The following SLX4IP variants were observed in gnomAD, a reference collection of about 807,000 sequenced individuals.
SLX4IP encodes the protein protein SLX4IP.
Under a neutral mutation model 32.9 loss-of-function variants are expected in SLX4IP, and 34 were observed. That is an observed-to-expected ratio of 1.03 (90% confidence interval 0.79 to 1.38). The LOEUF (loss-of-function observed/expected upper bound fraction) is 1.38. Among genes scored for constraint, SLX4IP ranks in the 40% most tolerant of loss-of-function variants. The pLI is 0.00. For missense variants in SLX4IP, 444 were observed against 479.0 expected (o/e 0.93, Z 0.68); for synonymous variants, 172 against 171.7 (o/e 1.00, Z -0.01).
rs2065170403 is a variant in SLX4IP at position 10,442,878 on chromosome 20, G to C, written c.-30+7425G>C. ...GTTCCTTGATTTAAAACTTAATTAA[G>C]ATAGAAGCTAATAATATCTTTTCCA... On this transcript the variant is annotated intron_variant, in intron 1 of 7. Transcript: ENST00000334534. Among the ~76,000 whole-genome samples, 3 of 152,168 alleles carry C rather than the reference G, an allele frequency of 2.0e-5. 1 individual carries two copies. The South Asian group carries it at 6.2e-4, about 31-fold the overall frequency.
chr20:10,461,171 G>A (rs1197056097), intron 2 of SLX4IP, among the ~76,000 whole-genome samples: 1 of 152,220 alleles, frequency 6.6e-6, no homozygotes, highest in Non-Finnish European at 1.5e-5. Flanking sequence ...GCTCAGAAAA[G>A]GGCTGGGCTT....
intron 2 of SLX4IP, among the ~76,000 whole-genome samples, chr20:10,472,129 G>T (rs1253097136): frequency 1.3e-5 from 2 of 152,006 alleles, no homozygotes; most frequent in Non-Finnish European, 1.5e-5. Context: ...ATTGTTTAGT[G>T]TAGTTTTCTT....
chr20:10,519,881 G>A (rs6032894), intron 2 of SLX4IP, among the ~76,000 whole-genome samples: 7,549 of 152,178 alleles, frequency 0.05, 262 homozygotes, highest in Admixed American at 0.11. Flanking sequence ...ACTTGCTATC[G>A]TCTGTCTTCT....
intron 2 of SLX4IP, among the ~76,000 whole-genome samples, chr20:10,528,470 C>A (rs1010933674): frequency 6.6e-6 from 1 of 152,116 alleles, no homozygotes; most frequent in Non-Finnish European, 1.5e-5. Context: ...ATAACAAAAG[C>A]AACAACTAAC....
chr20:10,623,258 A>G lies in SLX4IP; in HGVS notation c.1106A>G (p.His369Arg), dbSNP rs374213290. 9.9e-6 allele frequency: 16 copies of G among 1,614,052 alleles called. No individual in the cohort carries two copies. In the African/African-American group the frequency reaches 2.1e-4, roughly 22 times the overall value. The change falls in exon 8 of 8, where the codon CAT becomes CGT. Residue 369 changes from histidine (H) to arginine (R), a missense_variant. Transcript: ENST00000334534. ...GTTTTGGAAAGTCTCTCCTCCAGAC[A>G]TCTTATGAAAAATAACCCAGGGCAG... ...LHVLESLSSR[H>R]LMKNNPGQAQ...
At chr20:10,614,726 G>A (rs1174692325) in intron 6 of SLX4IP, among the ~76,000 whole-genome samples, 1 of 152,178 alleles carries the variant, frequency 6.6e-6, no homozygotes, top group Non-Finnish European at 1.5e-5. Context: ...TGACCCTGGG[G>A]CGTGGTGTTA....
intron 1 of SLX4IP, among the ~76,000 whole-genome samples, chr20:10,453,285 C>T (rs2065257824): frequency 6.8e-6 from 1 of 146,578 alleles, no homozygotes; most frequent in African/African-American, 2.5e-5. Context: ...TCATATTCTC[C>T]ACGAGTTGTC....
chr20:10,519,689 A>G (rs1032166708), intron 2 of SLX4IP, among the ~76,000 whole-genome samples: 1 of 152,204 alleles, frequency 6.6e-6, no homozygotes, highest in African/African-American at 2.4e-5. Context: ...TGTTTGTGTA[A>G]AAGTTTTTGT....
Position 10,613,374 on chromosome 20 carries a change from C to T in SLX4IP, c.406-7940C>T, listed in dbSNP as rs142642882. ...AATTGCTTTTTGCCTTCAAGTCTTG[C>T]CTGCACCTTGCTTACAATGGCATCA... On this transcript the variant is annotated intron_variant, in intron 6 of 7. Transcript: ENST00000334534. The T allele has an allele frequency of 3.4e-3, 4,791 of 1,391,146 alleles. 13 individuals are homozygous for T. Among genetic ancestry groups the T allele is most frequent in the Non-Finnish European group, 4.3e-3 (4,229 of 982,344 alleles). The allele number at this position is 1,391,146 out of a possible 1,614,324, so 86.2% of individuals were successfully genotyped here.
intron 3 of SLX4IP, 43 bp from the exon 4 acceptor site, chr20:10,560,657 G>T: frequency 1.5e-6 from 2 of 1,365,250 alleles, no homozygotes; most frequent in South Asian, 1.5e-5. Flanking sequence ...TAATTTTTTT[G>T]CATTAAATTT....
At chr20:10,533,580 AGTGCTGGGATTACAG>A (rs1225825040) in intron 2 of SLX4IP, among the ~76,000 whole-genome samples, 4 of 149,338 alleles carry the variant, frequency 2.7e-5, no homozygotes, top group Admixed American at 6.7e-5. Flanking sequence ...AGCCTCCCAA[AGTGCTGGGATTACAG>A]GTGTGAGCCA....
At chr20:10,447,032 G>GT (rs2065208229) in intron 1 of SLX4IP, among the ~76,000 whole-genome samples, 1 of 152,078 alleles carries the variant, frequency 6.6e-6, no homozygotes, top group African/African-American at 2.4e-5. Context: ...AAAGGTTTTA[G>GT]TTTCACACCT....
At chr20:10,562,117 T>C (rs536178898) in intron 4 of SLX4IP, among the ~76,000 whole-genome samples, 1 of 152,296 alleles carries the variant, frequency 6.6e-6, no homozygotes, top group South Asian at 2.1e-4. Context: ...TACAATGTGC[T>C]TTTTCAGTTT....
At chr20:10,494,839 A>G (rs1056936113) in intron 2 of SLX4IP, among the ~76,000 whole-genome samples, 1 of 152,102 alleles carries the variant, frequency 6.6e-6, no homozygotes, top group African/African-American at 2.4e-5. Flanking sequence ...AGTACATATA[A>G]TAGAGTTTGT....
intron 4 of SLX4IP, among the ~76,000 whole-genome samples, chr20:10,573,098 C>T (rs914107905): frequency 3.3e-5 from 5 of 152,262 alleles, no homozygotes; most frequent in African/African-American, 1.2e-4. Context: ...TCTTCAGACA[C>T]AGGCTCATTG....
rs528819310 is a variant in SLX4IP at position 10,558,692 on chromosome 20, A to G, written c.118-2008A>G. 7.9e-5 allele frequency among the ~76,000 whole-genome samples: 12 copies of G among 152,232 alleles called. No homozygotes were observed. In the East Asian group the frequency reaches 1.9e-3, roughly 25 times the overall value. On this transcript the variant is annotated intron_variant, in intron 3 of 7. Transcript: ENST00000334534. ...TGAAGTCAAACTGTTCCATGTGTCA[A>G]CTCGAGGAAGCGAGCACAGCCCGTT...
chr20:10,580,044 C>T (rs75280722), intron 4 of SLX4IP, among the ~76,000 whole-genome samples: 2,475 of 152,224 alleles, frequency 0.016, 34 homozygotes, highest in Non-Finnish European at 0.025. Context: ...CTAATTGTTC[C>T]ATTTTAACCA....
At chr20:10,608,261 T>A (rs1428331501) in intron 6 of SLX4IP, among the ~76,000 whole-genome samples, 1 of 152,246 alleles carries the variant, frequency 6.6e-6, no homozygotes, top group African/African-American at 2.4e-5. Flanking sequence ...ACAAGTCATC[T>A]GGCTTCACAA....
intron 2 of SLX4IP, among the ~76,000 whole-genome samples, chr20:10,510,891 A>G (rs1164920112): frequency 2.0e-5 from 3 of 152,218 alleles, no homozygotes; most frequent in Non-Finnish European, 4.4e-5. Context: ...GGCGTGAGCC[A>G]TCGCACCCGG....
Sources: allele counts gnomAD v4.1 joint callset (sites outside exome capture counted in the v4.1 genomes callset), GRCh38; gene constraint gnomAD v4.1.1; transcripts MANE v1.5; gene names NCBI Gene and HGNC (gene_info 2026-07-23, HGNC 2026-07-21).